Variants in FHOD3 observed in about 807,000 individuals in gnomAD.
The protein encoded by FHOD3 is FH1/FH2 domain-containing protein 3.
A neutral mutation model predicts 173.0 loss-of-function variants in FHOD3; 90 were observed. The ratio of observed to expected loss-of-function variants is 0.52; its 90% CI spans 0.44 to 0.62. The LOEUF is 0.62. FHOD3 is among the 20% of genes least tolerant of loss of function. FHOD3 has a pLI of 0.00. For missense variants in FHOD3, 1,945 were observed against 2,034.7 expected (o/e 0.96, Z 0.85); for synonymous variants, 828 against 823.0 (o/e 1.01, Z -0.10).
intron 1 of FHOD3, among the ~76,000 whole-genome samples, chr18:36,350,103 C>T (rs2046051530): frequency 6.6e-6 from 1 of 152,178 alleles, no homozygotes; most frequent in African/African-American, 2.4e-5. Context: ...ACTGCACTAT[C>T]TTTGCTGGAA....
At chr18:36,647,971 CT>C (rs1204930480) in intron 10 of FHOD3, among the ~76,000 whole-genome samples, 27 of 152,072 alleles carry the variant, frequency 1.8e-4, no homozygotes, top group African/African-American at 6.5e-4. Flanking sequence ...GGTTTGTGTA[CT>C]TTTCTGTATG....
At chr18:36,421,627 C>T (rs2049990842) in intron 3 of FHOD3, among the ~76,000 whole-genome samples, 1 of 152,222 alleles carries the variant, frequency 6.6e-6, no homozygotes, top group African/African-American at 2.4e-5. Context: ...ATAAAGGTAG[C>T]TCTGGGTCCA....
chr18:36,773,054 C>G (rs1046279564), intron 28 of FHOD3, among the ~76,000 whole-genome samples: 1 of 152,250 alleles, frequency 6.6e-6, no homozygotes, highest in African/African-American at 2.4e-5. Flanking sequence ...GGGCATCCCT[C>G]TCTCCAGAGC....
intron 5 of FHOD3, among the ~76,000 whole-genome samples, chr18:36,555,484 T>G (rs2057840772): frequency 6.6e-6 from 1 of 152,086 alleles, no homozygotes; most frequent in South Asian, 2.1e-4. Context: ...CATGAGCACT[T>G]GAGTAGAATG....
intron 1 of FHOD3, among the ~76,000 whole-genome samples, chr18:36,336,953 A>G (rs1044038942): frequency 6.6e-6 from 1 of 151,360 alleles, no homozygotes; most frequent in South Asian, 2.1e-4. Context: ...GAGTGGATCT[A>G]CTTGAGGCCA....
chr18:36,591,036 C>T (rs907081615), intron 6 of FHOD3, among the ~76,000 whole-genome samples: 1 of 152,176 alleles, frequency 6.6e-6, no homozygotes, highest in Non-Finnish European at 1.5e-5. Flanking sequence ...TAATAATAGT[C>T]CACCCACTGA....
chr18:36,564,343 G>C (rs1175423478), intron 5 of FHOD3, among the ~76,000 whole-genome samples: 1 of 152,168 alleles, frequency 6.6e-6, no homozygotes, highest in Non-Finnish European at 1.5e-5. Flanking sequence ...TTCAAAACTT[G>C]CTAATCTGTT....
At chr18:36,640,507 C>A (rs1488266431) in intron 10 of FHOD3, among the ~76,000 whole-genome samples, 2 of 152,218 alleles carry the variant, frequency 1.3e-5, no homozygotes, top group African/African-American at 2.4e-5. Flanking sequence ...TTCAGTAACA[C>A]AGAAGGCTGC....
At chr18:36,466,985 A>C (rs1356264314) in intron 3 of FHOD3, among the ~76,000 whole-genome samples, 1 of 152,130 alleles carries the variant, frequency 6.6e-6, no homozygotes, top group African/African-American at 2.4e-5. Flanking sequence ...CTAGATTTTA[A>C]AAAACTTATG....
chr18:36,576,270 G>A (rs2058644733), intron 5 of FHOD3, among the ~76,000 whole-genome samples, 181 bp from the exon 6 acceptor site: 1 of 152,180 alleles, frequency 6.6e-6, no homozygotes, highest in Admixed American at 6.5e-5. Context: ...TTCTTCTAGT[G>A]TTCGACACTT....
chr18:36,388,087 GA>G (rs1306744982), intron 3 of FHOD3, among the ~76,000 whole-genome samples: 1 of 151,606 alleles, frequency 6.6e-6, no homozygotes, highest in Non-Finnish European at 1.5e-5. Flanking sequence ...GTGTGTCTTT[GA>G]AAGTGTGTTA....
At chr18:36,674,273 G>T (rs2037712438) in intron 14 of FHOD3, among the ~76,000 whole-genome samples, 1 of 152,204 alleles carries the variant, frequency 6.6e-6, no homozygotes, top group African/African-American at 2.4e-5. Context: ...ACAGCCTCAT[G>T]ACTAGAAAAC....
At chr18:36,750,810 T>C (rs547159339) in intron 24 of FHOD3, among the ~76,000 whole-genome samples, 83 of 152,346 alleles carry the variant, frequency 5.4e-4, no homozygotes, top group Non-Finnish European at 1.0e-3. Context: ...GTGACCTTAT[T>C]TCTGGGCTTT....
chr18:36,335,231 C>T (rs2045243345), intron 1 of FHOD3, among the ~76,000 whole-genome samples: 1 of 151,822 alleles, frequency 6.6e-6, no homozygotes, highest in African/African-American at 2.4e-5. Context: ...CGCGGTGGCT[C>T]ACGCCTGTAA....
At chr18:36,327,210 C>T (rs915878967) in intron 1 of FHOD3, among the ~76,000 whole-genome samples, 37 of 152,098 alleles carry the variant, frequency 2.4e-4, no homozygotes, top group African/African-American at 6.3e-4. Flanking sequence ...ACCTTTGTTT[C>T]GATTGTTAAA....
intron 3 of FHOD3, among the ~76,000 whole-genome samples, chr18:36,489,570 G>A (rs114820940): frequency 0.013 from 1,982 of 152,208 alleles, 46 homozygotes; most frequent in African/African-American, 0.045. Context: ...TACTTGGGAC[G>A]CTAAGGTGGG....
rs140175501 is a variant in FHOD3, at chr18:36,709,135, G to T, written c.2277G>T (p.Pro759=). The T allele has an allele frequency of 6.2e-7, 1 of 1,613,996 alleles. No individual in the cohort carries two copies. Among genetic ancestry groups the T allele is most frequent in the East Asian group, 2.2e-5 (1 of 44,878 alleles). Residue 759 remains proline (P), a synonymous_variant, in exon 18 of 29, where the codon CCG becomes CCT. Coordinates refer to ENST00000590592, the MANE Select transcript of FHOD3 (RefSeq NM_001281740.3). ...GDPEPESEAE[P]EAEAGAGQVA... The stretch of plus-strand genomic sequence containing the variant: ...CTGAACCCGAATCAGAGGCAGAACC[G>T]GAAGCAGAGGCAGGGGCGGGGCAGG...
At chr18:36,338,237 A>G (rs2045426666) in intron 1 of FHOD3, among the ~76,000 whole-genome samples, 1 of 152,202 alleles carries the variant, frequency 6.6e-6, no homozygotes, top group Admixed American at 6.5e-5. Context: ...ACCAGGGTCC[A>G]GATATGTAGC....
intron 3 of FHOD3, among the ~76,000 whole-genome samples, chr18:36,419,496 A>G (rs2049870692): frequency 6.6e-6 from 1 of 152,156 alleles, no homozygotes; most frequent in Non-Finnish European, 1.5e-5. Context: ...GATGCTTCAC[A>G]CATGTTTTCA....
Sources: gnomAD v4.1 joint callset for allele counts (sites outside exome capture counted in the v4.1 genomes callset) on GRCh38, gnomAD v4.1.1 for gene constraint, MANE v1.5 for transcripts, NCBI Gene and HGNC (gene_info 2026-07-23, HGNC 2026-07-21) for gene names.